The following ZP1 variants were observed in gnomAD, a reference collection of about 807,000 sequenced individuals.
ZP1 encodes zona pellucida glycoprotein 1.
ZP1 carries 58 observed loss-of-function variants against 67.4 expected under a neutral mutation model. The observed-to-expected ratio is 0.86, with a 90% CI of 0.70 to 1.07. The LOEUF is 1.07. Among genes scored for constraint, ZP1 ranks in the 50% least tolerant of loss-of-function variants. The pLI, the probability that ZP1 is intolerant of heterozygous loss-of-function variation, is 0.00. For missense variants in ZP1, 759 were observed against 807.3 expected (o/e 0.94, Z 0.72); for synonymous variants, 333 against 332.7 (o/e 1.00, Z -0.01).
Position 60,867,736 on chromosome 11 carries a change from A to T in ZP1, c.175A>T (p.Thr59Ser), listed in dbSNP as rs760153125. 8.1e-6 allele frequency: 13 copies of T among 1,613,530 alleles called. No homozygotes were observed. The highest frequency in any genetic ancestry group is 7.7e-5 in the South Asian group (7 of 90,990). Residue 59 changes from threonine to serine, a missense_variant, in exon 1 of 12, where the codon ACT becomes TCT. By Grantham distance (58) the Thr-to-Ser change is moderately conservative. Transcript: ENST00000278853. ...GCTGGTGTTCCCCAGGCCAGGCCAGACTCTCCGCTTCAAGGTGGTGGGTGA... is the reference window on the plus strand; with the variant it reads ...GCTGGTGTTCCCCAGGCCAGGCCAGTCTCTCCGCTTCAAGGTGGTGGGTGA... Reference protein sequence around the residue: ...QLLVFPRPGQTLRFKVVDEFG... With the variant: ...QLLVFPRPGQSLRFKVVDEFG...
At chr11:60,869,124 C>T in intron 1 of ZP1, 21 bp from the exon 2 acceptor site, 2 of 1,614,116 alleles carry the variant, frequency 1.2e-6, no homozygotes, top group Non-Finnish European at 1.7e-6. Context: ...ATCCCTGGCC[C>T]CTCCCCTTCC....
At position 60,867,545 on chromosome 11, in the gene ZP1, T is replaced by C; in HGVS notation, c.-17T>C. 6.3e-7 allele frequency: 1 copy of C among 1,598,010 alleles called. No homozygotes were observed. The highest frequency in any genetic ancestry group is 8.5e-7 in the Non-Finnish European group (1 of 1,170,632). On this transcript the variant is annotated 5_prime_UTR_variant, in exon 1 of 12. Coordinates refer to ENST00000278853, the MANE Select transcript of ZP1 (RefSeq NM_207341.4). The stretch of plus-strand genomic sequence containing the variant: ...GCTCTGGTGGCGAGGGAGTAGGGGG[T>C]GTGTCTGTGGCGTCTCATGGCAGGA...
At chr11:60,873,884 G>A (rs374382401) in intron 9 of ZP1, 109 bp downstream of exon 9, 1 of 1,439,564 alleles carries the variant, frequency 6.9e-7, no homozygotes, top group East Asian at 2.4e-5. Flanking sequence ...GTTCTGGGAT[G>A]GGGCTTGGCG....
chr11:60,870,019 G>A, intron 3 of ZP1, 119 bp downstream of exon 3: 1 of 1,232,674 alleles, frequency 8.1e-7, no homozygotes, highest in Non-Finnish European at 1.1e-6. Flanking sequence ...TCTTTTTTTA[G>A]AAAAAGATGA....
At position 60,869,696 on chromosome 11, in the gene ZP1, C is replaced by T; in HGVS notation, c.478C>T (p.Gln160Ter). The change falls in exon 3 of 12, where the codon CAA (glutamine) becomes TAA (stop). Residue 160 changes from glutamine to a stop codon, truncating the protein, a stop_gained. Coordinates refer to ENST00000278853, the MANE Select transcript of ZP1 (RefSeq NM_207341.4). LOFTEE classifies it high-confidence loss of function. ...CGCCATGTTCTCTGTCTCAACCCCA[C>T]AAACCCTTTCCTTCCTCCCCACCTC... is the stretch of plus-strand genomic sequence containing the variant. ...PPAMFSVSTP[Q>*]TLSFLPTSGH... The T allele has an allele frequency of 1.2e-6, 2 of 1,614,176 alleles. No individual in the cohort carries two copies. The highest frequency in any genetic ancestry group is 1.7e-6 in the Non-Finnish European group (2 of 1,180,012).
intron 6 of ZP1, among the ~76,000 whole-genome samples, chr11:60,872,951 A>T (rs1855608759): frequency 6.6e-6 from 1 of 152,172 alleles, no homozygotes; most frequent in Non-Finnish European, 1.5e-5. Flanking sequence ...GGCTTGAGCC[A>T]TCCCAGGGAG....
chr11:60,871,408 A>C, intron 6 of ZP1, 94 bp downstream of exon 6: 3 of 1,359,696 alleles, frequency 2.2e-6, no homozygotes, highest in Non-Finnish European at 3.1e-6. Context: ...ATCTCAGCTC[A>C]AACCCAGGCT....
rs1009546101 is a variant in ZP1, at chr11:60,873,475, C to G, written c.1341C>G (p.Asp447Glu). 1 of 1,613,746 alleles carries G rather than the reference C, an allele frequency of 6.2e-7. No homozygotes were observed. The highest frequency in any genetic ancestry group is 2.2e-5 in the East Asian group (1 of 44,868). The part of the protein sequence containing the change: ...HVEVRLLQRT[D>E]PNLVLLLHQC... ...AGGTCCGGCTTCTGCAGAGGACAGACCCCAACCTGGTCCTGCTGCTGCACC... is the reference window on the plus strand; with the variant it reads ...AGGTCCGGCTTCTGCAGAGGACAGAGCCCAACCTGGTCCTGCTGCTGCACC... Residue 447 changes from aspartate to glutamate, a missense_variant, in exon 8 of 12, where the codon GAC becomes GAG. By Grantham distance (45) the Asp-to-Glu change is conservative (BLOSUM62 2). Coordinates refer to ENST00000278853, the MANE Select transcript of ZP1 (RefSeq NM_207341.4).
Position 60,867,619 on chromosome 11 carries a change from G to GC in ZP1, c.60dup (p.Thr21HisfsTer6). The GC allele has an allele frequency of 1.2e-6, 2 of 1,613,418 alleles. No individual in the cohort carries two copies. The highest frequency in any genetic ancestry group is 1.7e-6 in the Non-Finnish European group (2 of 1,179,636). On this transcript the variant is annotated frameshift_variant, in exon 1 of 12. Coordinates refer to ENST00000278853, the MANE Select transcript of ZP1 (RefSeq NM_207341.4). LOFTEE classifies it high-confidence loss of function. ...CCCTGTGGCCCTGCTACTGCTGGTT[G>GC]CCACCCTGGGGCTGGGTAGGTGGCT...
intron 1 of ZP1, 36 bp downstream of exon 1, chr11:60,867,793 G>A (rs781546213): frequency 2.5e-6 from 4 of 1,595,466 alleles, no homozygotes; most frequent in Middle Eastern, 1.7e-4. Flanking sequence ...CTGCCTCCCT[G>A]GCCACGGGCT....
At chr11:60,870,510 T>C (rs1469398249) in intron 4 of ZP1, 35 bp downstream of exon 4, 4 of 1,562,818 alleles carry the variant, frequency 2.6e-6, no homozygotes, top group Non-Finnish European at 3.5e-6. Context: ...TCCTGGTCCC[T>C]TGGATTCTGA....
chr11:60,873,023 A>G, intron 6 of ZP1, 139 bp from the exon 7 acceptor site: 1 of 938,664 alleles, frequency 1.1e-6, no homozygotes, highest in South Asian at 2.0e-5. Flanking sequence ...AATGCTGAGT[A>G]TTGCTTAAGT....
chr11:60,870,264 G>A, intron 3 of ZP1, 68 bp from the exon 4 acceptor site: 1 of 1,408,562 alleles, frequency 7.1e-7, no homozygotes, highest in Non-Finnish European at 9.3e-7. Context: ...AGGTTCCCAA[G>A]ATTCAATTCC....
At chr11:60,870,180 T>A in intron 3 of ZP1, 152 bp from the exon 4 acceptor site, 1 of 886,796 alleles carries the variant, frequency 1.1e-6, no homozygotes, top group Non-Finnish European at 1.6e-6. Flanking sequence ...GAAAATATTC[T>A]CTAGAAATTT....
chr11:60,869,604 A>G lies in ZP1; in HGVS notation c.386A>G (p.Gln129Arg), dbSNP rs532313309. 8.1e-6 allele frequency: 13 copies of G among 1,613,998 alleles called. No homozygotes were observed. The highest frequency in any genetic ancestry group is 1.7e-5 in the Admixed American group (1 of 60,004). The change falls in exon 3 of 12, where the codon CAA becomes CGA. Residue 129 changes from glutamine to arginine, a missense_variant. Gln to Arg is a conservative substitution (Grantham distance 43, BLOSUM62 1). Coordinates refer to ENST00000278853, the MANE Select transcript of ZP1 (RefSeq NM_207341.4). ...CCCAATGGTCGTGTGGATGTGGCAC[A>G]AGACGCTACTCTGATCTGTCCCAAA... Reference protein sequence around the residue: ...VLPNGRVDVAQDATLICPKPD... With the variant: ...VLPNGRVDVARDATLICPKPD...
Position 60,867,721 on chromosome 11 carries a change from C to CCCAGG in ZP1, c.170_174dup (p.Thr59AlafsTer56). The CCCAGG allele has an allele frequency of 6.2e-7, 1 of 1,613,998 alleles. No individual in the cohort carries two copies. Among genetic ancestry groups the CCCAGG allele is most frequent in the Non-Finnish European group, 8.5e-7 (1 of 1,179,960 alleles). On this transcript the variant is annotated frameshift_variant, in exon 1 of 12. Transcript: ENST00000278853. LOFTEE classifies it high-confidence loss of function. The stretch of plus-strand genomic sequence containing the variant: ...CAAGGGAATGCAGCTGCTGGTGTTC[C>CCCAGG]CCAGGCCAGGCCAGACTCTCCGCTT...
chr11:60,872,742 A>G (rs1855598796), intron 6 of ZP1, among the ~76,000 whole-genome samples: 1 of 152,184 alleles, frequency 6.6e-6, no homozygotes, highest in Non-Finnish European at 1.5e-5. Context: ...GTAAATGCTA[A>G]GAAGACTCAA....
At chr11:60,873,843 C>G in intron 9 of ZP1, 68 bp downstream of exon 9, 1 of 1,590,768 alleles carries the variant, frequency 6.3e-7, no homozygotes, top group South Asian at 1.1e-5. Context: ...CGCCAAATCC[C>G]TCTGGCACCC....
Position 60,869,557 on chromosome 11 carries a change from G to GA in ZP1, c.339_340insA (p.Val114SerfsTer26). 1 of 1,609,428 alleles carries GA rather than the reference G, an allele frequency of 6.2e-7. No individual in the cohort carries two copies. The highest frequency in any genetic ancestry group is 8.5e-7 in the Non-Finnish European group (1 of 1,176,840). ...TGCAGGATGGGCGTTTCCACCTGAG[G>GA]GTGTTCATGGAGGCTGTGCTGCCCA... On this transcript the variant is annotated frameshift_variant, in exon 3 of 12. Coordinates refer to ENST00000278853, the MANE Select transcript of ZP1 (RefSeq NM_207341.4). LOFTEE classifies it high-confidence loss of function.
Sources: allele counts gnomAD v4.1 joint callset (sites outside exome capture counted in the v4.1 genomes callset), GRCh38; gene constraint gnomAD v4.1.1; transcripts MANE v1.5; gene names NCBI Gene and HGNC (gene_info 2026-07-23, HGNC 2026-07-21).